The following SSBP2 variants were observed in gnomAD, a reference collection of about 807,000 sequenced individuals.
SSBP2 encodes the protein single stranded DNA binding protein 2.
Under a neutral mutation model 61.8 loss-of-function variants are expected in SSBP2, and 17 were observed. The ratio of observed to expected loss-of-function variants is 0.28; its 90% CI spans 0.19 to 0.41. SSBP2 has a LOEUF of 0.41. SSBP2 is among the 10% of genes least tolerant of loss of function. The pLI, the probability that SSBP2 is intolerant of heterozygous loss-of-function variation, is 1.00. For synonymous variants in SSBP2, 139 were observed against 141.3 expected (o/e 0.98, Z 0.12); for missense variants, 310 against 458.7 (o/e 0.68, Z 2.96).
intron 6 of SSBP2, among the ~76,000 whole-genome samples, chr5:81,485,739 G>A (rs1009987329): frequency 2.6e-5 from 4 of 152,066 alleles, no homozygotes; most frequent in Admixed American, 6.6e-5. Context: ...TCAAACTCCT[G>A]GGCTCAGGCG....
intron 1 of SSBP2, among the ~76,000 whole-genome samples, chr5:81,732,010 G>C (rs1157057620): frequency 6.6e-6 from 1 of 151,936 alleles, no homozygotes; most frequent in Non-Finnish European, 1.5e-5. Flanking sequence ...TCTGTGATTT[G>C]CTGTCTTATA....
chr5:81,454,506 C>A (rs1359385628), intron 10 of SSBP2, among the ~76,000 whole-genome samples: 2 of 152,070 alleles, frequency 1.3e-5, no homozygotes, highest in Non-Finnish European at 2.9e-5. Flanking sequence ...CACGGTGAAA[C>A]CTTGTCTATA....
At chr5:81,587,710 A>C (rs1321149986) in intron 4 of SSBP2, among the ~76,000 whole-genome samples, 2 of 151,992 alleles carry the variant, frequency 1.3e-5, no homozygotes, top group Non-Finnish European at 2.9e-5. Context: ...AGCCTAAGCA[A>C]CAGAGCTAGA....
chr5:81,657,998 C>A (rs1238278720), intron 1 of SSBP2, among the ~76,000 whole-genome samples: 1 of 151,872 alleles, frequency 6.6e-6, no homozygotes, highest in Non-Finnish European at 1.5e-5. Context: ...TGTGGAATGA[C>A]CAAATCAAGC....
intron 4 of SSBP2, among the ~76,000 whole-genome samples, chr5:81,537,228 A>G (rs1314255100): frequency 6.6e-6 from 1 of 152,126 alleles, no homozygotes; most frequent in African/African-American, 2.4e-5. Flanking sequence ...ATGAACATCT[A>G]AAGGTTAACT....
At chr5:81,548,625 A>T (rs895051416) in intron 4 of SSBP2, among the ~76,000 whole-genome samples, 6 of 152,210 alleles carry the variant, frequency 3.9e-5, no homozygotes, top group South Asian at 2.1e-4. Flanking sequence ...GAATATATTT[A>T]AAAATGTACA....
In SSBP2 at chr5:81,417,905, A is replaced by T. The variant is rs533456070; in HGVS notation, c.*2599T>A. 1 of 152,218 alleles carries T rather than the reference A, an allele frequency of 6.6e-6. No individual in the cohort carries two copies. The highest frequency in any genetic ancestry group is 2.4e-5 in the African/African-American group (1 of 41,538). 9.4% of individuals were successfully genotyped at this position (152,218 alleles called of 1,614,324 possible). On this transcript the variant is annotated 3_prime_UTR_variant, in exon 17 of 17. Coordinates refer to ENST00000320672, the MANE Select transcript of SSBP2 (RefSeq NM_012446.5). ...CTGCTCTGCCTTGAAAAAAAAAACG[A>T]ATTTTACTTTTAGGTTAGAAATAAT...
At chr5:81,634,564 T>G (rs1748030018) in intron 3 of SSBP2, among the ~76,000 whole-genome samples, 1 of 152,254 alleles carries the variant, frequency 6.6e-6, no homozygotes. Context: ...AGTTTTACTC[T>G]TTTCTTTGAC....
chr5:81,650,796 C>T (rs1466945065), intron 1 of SSBP2, among the ~76,000 whole-genome samples: 2 of 152,072 alleles, frequency 1.3e-5, no homozygotes, highest in African/African-American at 2.4e-5. Context: ...CCACAACTTG[C>T]GTTGAATATC....
chr5:81,672,738 A>T (rs940699103), intron 1 of SSBP2, among the ~76,000 whole-genome samples: 2 of 151,504 alleles, frequency 1.3e-5, no homozygotes, highest in Non-Finnish European at 2.9e-5. Flanking sequence ...CATCCAGCTA[A>T]TTTTTTTGTA....
At chr5:81,630,752 C>A (rs1747629383) in intron 3 of SSBP2, among the ~76,000 whole-genome samples, 3 of 144,130 alleles carry the variant, frequency 2.1e-5, no homozygotes, top group Non-Finnish European at 4.5e-5. Flanking sequence ...CGTCTGACAG[C>A]TAAGGTTAAA....
intron 3 of SSBP2, among the ~76,000 whole-genome samples, chr5:81,627,480 T>TTGC (rs1747284678): frequency 1.3e-5 from 2 of 152,186 alleles, no homozygotes; most frequent in African/African-American, 4.8e-5. Flanking sequence ...ATTATAAATA[T>TTGC]TATACCATTC....
intron 16 of SSBP2, among the ~76,000 whole-genome samples, chr5:81,424,153 T>C (rs1411471957): frequency 6.6e-6 from 1 of 152,080 alleles, no homozygotes; most frequent in Non-Finnish European, 1.5e-5. Flanking sequence ...TGGCCGGGCA[T>C]GGTGGGTCAC....
At position 81,658,085 on chromosome 5, in the gene SSBP2, A is replaced by C. The variant is rs555819652; in HGVS notation, c.63-7746T>G. Reference sequence around the variant, plus strand: ...AACACTTAAAATCTACTCTCTCAGCAACTTTCAAATATATAAAACATTGTT... The same window carrying C: ...AACACTTAAAATCTACTCTCTCAGCCACTTTCAAATATATAAAACATTGTT... On this transcript the variant is annotated intron_variant, in intron 1 of 16. Transcript: ENST00000320672. Among the ~76,000 whole-genome samples, 5 of 152,268 alleles carry C rather than the reference A, an allele frequency of 3.3e-5. No individual in the cohort carries two copies. In the South Asian group the frequency reaches 1.0e-3, roughly 32 times the overall value.
intron 4 of SSBP2, among the ~76,000 whole-genome samples, chr5:81,529,189 G>C (rs1770197697): frequency 6.6e-6 from 1 of 152,016 alleles, no homozygotes; most frequent in East Asian, 1.9e-4. Flanking sequence ...ATAATACAGA[G>C]TAGTAAAAAC....
rs1221294060 is a variant in SSBP2 at position 81,652,382 on chromosome 5, TTCTC to T, written c.63-2047_63-2044del. Among the ~76,000 whole-genome samples the T allele has an allele frequency of 3.9e-5, 6 of 152,266 alleles. No homozygotes were observed. The East Asian group carries it at 7.7e-4, about 20-fold the overall frequency. ...GTAAAATTAAGTGACAGTCCTCACT[TTCTC>T]TCTCTATAAGTCTAAAACAGTGATT... On this transcript the variant is annotated intron_variant, in intron 1 of 16. Coordinates refer to ENST00000320672, the MANE Select transcript of SSBP2 (RefSeq NM_012446.5).
At chr5:81,609,868 C>G (rs756995403) in intron 4 of SSBP2, among the ~76,000 whole-genome samples, 1 of 152,070 alleles carries the variant, frequency 6.6e-6, no homozygotes, top group African/African-American at 2.4e-5. Flanking sequence ...GAATGCATTC[C>G]CCTATTCTGA....
At chr5:81,705,515 T>G (rs1160733346) in intron 1 of SSBP2, among the ~76,000 whole-genome samples, 1 of 152,172 alleles carries the variant, frequency 6.6e-6, no homozygotes, top group Admixed American at 6.5e-5. Flanking sequence ...TTTAGGTACT[T>G]AAATATATAC....
chr5:81,424,896 G>A (rs900069556), intron 16 of SSBP2, among the ~76,000 whole-genome samples: 1 of 152,212 alleles, frequency 6.6e-6, no homozygotes, highest in African/African-American at 2.4e-5. Flanking sequence ...GCATCAATAT[G>A]TGATGACATA....
Sources: gnomAD v4.1 joint callset for allele counts (sites outside exome capture counted in the v4.1 genomes callset) on GRCh38, gnomAD v4.1.1 for gene constraint, MANE v1.5 for transcripts, NCBI Gene and HGNC (gene_info 2026-07-23, HGNC 2026-07-21) for gene names.